Variants in CTSC observed in about 807,000 individuals in gnomAD.
The protein encoded by CTSC is dipeptidyl peptidase 1.
In CTSC, 37 loss-of-function variants were observed where a neutral mutation model predicts 40.9. The observed-to-expected ratio is 0.91, with a 90% CI of 0.70 to 1.19. The LOEUF is 1.19. Ranked by LOEUF, CTSC falls within the 50% of genes most tolerant of loss-of-function variation. CTSC has a pLI of 0.00. For synonymous variants in CTSC, 232 were observed against 207.4 expected (o/e 1.12, Z -1.02); for missense variants, 594 against 567.3 (o/e 1.05, Z -0.48).
At position 88,337,734 on chromosome 11, in the gene CTSC, G is replaced by A. The variant is rs139541967; in HGVS notation, c.-62C>T. ...AGGAAGCCGAGCGCTGCGGGCTAGC[G>A]GTGAGTCCACCACGAGGCGCGCGCC... On this transcript the variant is annotated 5_prime_UTR_variant, in exon 1 of 7. Transcript: ENST00000227266. 1.6e-3 allele frequency: 2,459 copies of A among 1,537,868 alleles called. 32 individuals are homozygous for A. The African/African-American group carries it at 0.03, about 19-fold the overall frequency.
At position 88,316,393 on chromosome 11, in the gene CTSC, TGAG is replaced by T. The variant is rs368603968; in HGVS notation, c.319-3842_319-3840del. The stretch of plus-strand genomic sequence containing the variant: ...GAACGCCGAGGTTGGGGGAATCACT[TGAG>T]GCCAGGTGTTTTGAGGTTACAGTGA... On this transcript the variant is annotated intron_variant, in intron 2 of 6. Coordinates refer to ENST00000227266, the MANE Select transcript of CTSC (RefSeq NM_001814.6). Among the ~76,000 whole-genome samples, 1,000 of 152,116 alleles carry T rather than the reference TGAG, an allele frequency of 6.6e-3. 10 individuals are homozygous for T. The highest frequency in any genetic ancestry group is 0.023 in the African/African-American group (950 of 41,478).
intron 2 of CTSC, among the ~76,000 whole-genome samples, chr11:88,330,862 T>C (rs1459366845): frequency 6.6e-6 from 1 of 152,220 alleles, no homozygotes; most frequent in Non-Finnish European, 1.5e-5. Context: ...AAAAAATGTT[T>C]CTCTTTCAGA....
intron 5 of CTSC, chr11:88,298,231 G>A (rs1472824612): frequency 2.0e-5 from 3 of 152,112 alleles, no homozygotes; most frequent in African/African-American, 7.2e-5. Context: ...TGTGACCCAG[G>A]AGAGACACTT....
chr11:88,336,184 G>C (rs1326556460), intron 1 of CTSC, among the ~76,000 whole-genome samples: 1 of 150,484 alleles, frequency 6.6e-6, no homozygotes, highest in African/African-American at 2.5e-5. Flanking sequence ...GATTGCATGT[G>C]ACAGGGCAGT....
chr11:88,308,069 G>C lies in CTSC; in HGVS notation c.641+1094C>G, dbSNP rs1937671978. On this transcript the variant is annotated intron_variant, in intron 4 of 6. Transcript: ENST00000227266. ...TGGGAGAGGTAGCGACGAAAGAGAT[G>C]GCAGGCATGAAACCGCCTTTGCAAA... Among the ~76,000 whole-genome samples, 10 of 152,158 alleles carry C rather than the reference G, an allele frequency of 6.6e-5. 1 individual carries two copies. The South Asian group carries it at 2.1e-3, about 32-fold the overall frequency.
intron 2 of CTSC, among the ~76,000 whole-genome samples, chr11:88,315,773 CAG>C (rs10584643): frequency 0.28 from 41,823 of 151,842 alleles, 6,996 homozygotes; most frequent in East Asian, 0.56. Flanking sequence ...CACGAAGAGC[CAG>C]AGAGGTAAAC....
intron 2 of CTSC, among the ~76,000 whole-genome samples, chr11:88,328,446 A>G (rs895135842): frequency 2.6e-5 from 4 of 152,236 alleles, no homozygotes; most frequent in East Asian, 1.9e-4. Context: ...TAAAATTGTT[A>G]TATCTTAATA....
At chr11:88,312,226 T>A (rs941405996) in intron 3 of CTSC, among the ~76,000 whole-genome samples, 162 bp downstream of exon 3, 2 of 152,216 alleles carry the variant, frequency 1.3e-5, no homozygotes, top group Non-Finnish European at 1.5e-5. Flanking sequence ...CTCTCAATAA[T>A]GTTGGTCAAT....
Position 88,327,506 on chromosome 11 carries a change from C to G in CTSC, c.318+7431G>C, listed in dbSNP as rs182094551. On this transcript the variant is annotated intron_variant, in intron 2 of 6. Transcript: ENST00000227266. The stretch of plus-strand genomic sequence containing the variant: ...TAGACATTTATGGATCCAGTGTGAG[C>G]AATGATTTAAACATCTATTCTGAAA... 1.5e-4 allele frequency among the ~76,000 whole-genome samples: 23 copies of G among 152,232 alleles called. No individual in the cohort carries two copies. The East Asian group carries it at 3.7e-3, about 24-fold the overall frequency.
chr11:88,329,024 T>C (rs1462526511), intron 2 of CTSC, among the ~76,000 whole-genome samples: 2 of 152,154 alleles, frequency 1.3e-5, no homozygotes, highest in Non-Finnish European at 2.9e-5. Flanking sequence ...TATCACCAAA[T>C]AAAATTTCCA....
chr11:88,323,529 T>C (rs924591263), intron 2 of CTSC: 3 of 152,152 alleles, frequency 2.0e-5, no homozygotes, highest in Admixed American at 1.3e-4. Context: ...CCCCATCATC[T>C]CAGCCCAAAA....
Position 88,294,450 on chromosome 11 carries a change from C to G in CTSC, c.948G>C (p.Leu316=), listed in dbSNP as rs145373075. ...TGTAGGGGAAGCAAGCTTCTTCCAC[C>G]AGCCCAAAATCTTGGGCGTACTTTC... The part of the protein sequence containing the change: ...IAGKYAQDFG[L]VEEACFPYTG... Residue 316 remains leucine, a synonymous_variant, in exon 7 of 7, where the codon CTG becomes CTC. Coordinates refer to ENST00000227266, the MANE Select transcript of CTSC (RefSeq NM_001814.6). The G allele has an allele frequency of 7.9e-5, 128 of 1,613,934 alleles. 1 individual carries two copies. The highest frequency in any genetic ancestry group is 2.0e-5 in the Non-Finnish European group (24 of 1,180,000).
chr11:88,294,530 G>A (rs1006830863), intron 6 of CTSC, 22 bp from the exon 7 acceptor site: 2 of 1,613,380 alleles, frequency 1.2e-6, no homozygotes, highest in African/African-American at 2.7e-5. Context: ...TAACACACAT[G>A]GTTACCCCTT....
At chr11:88,335,205 T>A in intron 1 of CTSC, 123 bp from the exon 2 acceptor site, 1 of 724,158 alleles carries the variant, frequency 1.4e-6, no homozygotes, top group Non-Finnish European at 2.4e-6. Flanking sequence ...TTGAGCACAG[T>A]CTGCCTAGTG....
At chr11:88,301,831 CACACAGAG>C (rs1944367534) in intron 4 of CTSC, among the ~76,000 whole-genome samples, 2 of 151,702 alleles carry the variant, frequency 1.3e-5, no homozygotes, top group Admixed American at 6.6e-5. Flanking sequence ...CACACACACA[CACACAGAG>C]AGAGAACCAC....
At chr11:88,327,383 G>A (rs1357345658) in intron 2 of CTSC, among the ~76,000 whole-genome samples, 1 of 152,070 alleles carries the variant, frequency 6.6e-6, no homozygotes, top group Non-Finnish European at 1.5e-5. Flanking sequence ...CCAAGTAACA[G>A]AGGAAGGAAA....
At chr11:88,337,029 AAATCGCTGGGCAG>A (rs1938514227) in intron 1 of CTSC, among the ~76,000 whole-genome samples, 1 of 137,788 alleles carries the variant, frequency 7.3e-6, no homozygotes, top group Admixed American at 7.1e-5. Flanking sequence ...GCTCAAACCA[AAATCGCTGGGCAG>A]AAAGTCCCTT....
At chr11:88,305,820 G>GA (rs1363287673) in intron 4 of CTSC, among the ~76,000 whole-genome samples, 1 of 152,196 alleles carries the variant, frequency 6.6e-6, no homozygotes, top group Non-Finnish European at 1.5e-5. Flanking sequence ...GTGGTTGGCT[G>GA]GAGGGAGAAG....
intron 2 of CTSC, chr11:88,321,134 T>C (rs1937997153): frequency 1.6e-6 from 1 of 628,214 alleles, no homozygotes; most frequent in Non-Finnish European, 2.0e-6. Context: ...TAAATATATA[T>C]ACATATATAT....
Sources: gnomAD v4.1 joint callset for allele counts (sites outside exome capture counted in the v4.1 genomes callset) on GRCh38, gnomAD v4.1.1 for gene constraint, MANE v1.5 for transcripts, NCBI Gene and HGNC (gene_info 2026-07-23, HGNC 2026-07-21) for gene names.